Variants in ZEB2 observed in about 807,000 individuals in gnomAD.
ZEB2 encodes zinc finger E-box-binding homeobox 2.
In ZEB2, 6 loss-of-function variants were observed where a neutral mutation model predicts 99.9. That is an observed-to-expected ratio of 0.06 (90% confidence interval 0.03 to 0.12). ZEB2 has a LOEUF of 0.12. Ranked by LOEUF, ZEB2 falls within the 10% of genes least tolerant of loss-of-function variation. The pLI is 1.00. For synonymous variants in ZEB2, 517 were observed against 542.5 expected, an observed-to-expected ratio of 0.95 and a Z score of 0.65; for missense variants, 969 against 1,502.8, an observed-to-expected ratio of 0.64 and a Z score of 5.87.
intron 2 of ZEB2, among the ~76,000 whole-genome samples, chr2:144,469,148 A>ATAG (rs1367224089): frequency 2.6e-5 from 4 of 152,172 alleles, no homozygotes; most frequent in Non-Finnish European, 4.4e-5. Context: ...TGACTATAAA[A>ATAG]TAGCTTCCCA....
chr2:144,418,215 T>A (rs1051470417), intron 4 of ZEB2, among the ~76,000 whole-genome samples: 4 of 152,212 alleles, frequency 2.6e-5, no homozygotes, highest in Non-Finnish European at 5.9e-5. Context: ...CTACAACTTG[T>A]CTGTGTAGTT....
intron 2 of ZEB2, among the ~76,000 whole-genome samples, chr2:144,466,152 T>C (rs1459557958): frequency 1.3e-5 from 2 of 152,202 alleles, no homozygotes; most frequent in African/African-American, 4.8e-5. Flanking sequence ...TCTTTATATA[T>C]GACAACATGT....
chr2:144,508,007 C>T (rs2149928845), intron 2 of ZEB2, among the ~76,000 whole-genome samples: 1 of 152,284 alleles, frequency 6.6e-6, no homozygotes, highest in Admixed American at 6.5e-5. Flanking sequence ...CAAACTGTGA[C>T]CTGACCATGG....
intron 2 of ZEB2, among the ~76,000 whole-genome samples, 159 bp downstream of exon 2, chr2:144,517,119 C>T (rs1411171811): frequency 1.3e-5 from 2 of 150,578 alleles, no homozygotes; most frequent in Non-Finnish European, 3.0e-5. Context: ...AGCCGCCGCG[C>T]GCGCCGGGCT....
intron 2 of ZEB2, chr2:144,514,160 C>G (rs984305106): frequency 4.2e-6 from 1 of 239,118 alleles, no homozygotes; most frequent in Non-Finnish European, 8.3e-6. Flanking sequence ...ATACTTGTTT[C>G]TCTCTTTGTA....
At position 144,399,705 on chromosome 2, in the gene ZEB2, T is replaced by C. The variant is rs375275148; in HGVS notation, c.1482A>G (p.Pro494=). 75 of 1,614,108 alleles carry C rather than the reference T, an allele frequency of 4.6e-5. No individual in the cohort carries two copies. Among genetic ancestry groups the C allele is most frequent in the Non-Finnish European group, 5.6e-5 (66 of 1,180,042 alleles). Residue 494 remains proline, a synonymous_variant, in exon 8 of 10, where the codon CCA becomes CCG. Coordinates refer to ENST00000627532, the MANE Select transcript of ZEB2 (RefSeq NM_014795.4). This position sits in a 1 kb window ranked among gnomAD's most constrained non-coding sequence, Gnocchi z 5.6. ...SKLKGYHMKD[P]CSQPEEQGVT... ...CTCCTTGTTCCTCAGGTTGAGAGCA[T>C]GGATCCTTCATGTGATAACCTTTCA...
chr2:144,473,509 C>T (rs1305119693), intron 2 of ZEB2, among the ~76,000 whole-genome samples: 1 of 152,100 alleles, frequency 6.6e-6, no homozygotes, highest in Non-Finnish European at 1.5e-5. Context: ...GCCATCCTAC[C>T]ACCCTGGCCT....
At chr2:144,427,909 C>A (rs920593971) in intron 3 of ZEB2, 1 of 152,170 alleles carries the variant, frequency 6.6e-6, no homozygotes, top group Non-Finnish European at 1.5e-5. Context: ...GTCTGCAATG[C>A]ATTCATATGG....
intron 2 of ZEB2, among the ~76,000 whole-genome samples, chr2:144,465,000 C>G (rs1465635859): frequency 6.6e-6 from 1 of 152,162 alleles, no homozygotes; most frequent in Non-Finnish European, 1.5e-5. Context: ...CACTACTGTT[C>G]TGTTGAGATT....
intron 2 of ZEB2, among the ~76,000 whole-genome samples, chr2:144,499,782 C>T (rs925475979): frequency 6.6e-5 from 10 of 152,064 alleles, no homozygotes; most frequent in African/African-American, 2.4e-4. Flanking sequence ...CACAGCCAAC[C>T]AAATCTCCAT....
rs908723181 is a variant in ZEB2 at position 144,384,780 on chromosome 2, C to G, written c.*4671G>C. 2.9e-4 allele frequency: 44 copies of G among 152,224 alleles called. No individual in the cohort carries two copies. Among genetic ancestry groups the G allele is most frequent in the African/African-American group, 1.0e-3 (43 of 41,560 alleles). 9.4% of individuals were successfully genotyped at this position (152,224 alleles called of 1,614,324 possible). On this transcript the variant is annotated 3_prime_UTR_variant, in exon 10 of 10. Coordinates refer to ENST00000627532, the MANE Select transcript of ZEB2 (RefSeq NM_014795.4). The stretch of plus-strand genomic sequence containing the variant: ...TGTCTCAAGTTCTAAAAAAAAATCA[C>G]TGTGCACAGTTTAACAATTTAATTG...
rs745521735 is a variant in ZEB2, at chr2:144,396,513, T to C, written c.2966A>G (p.Lys989Arg). ...GCCACTCTCTGTCTTCTTGATCTTT[T>C]TGCGAGACAGACAGGAGTCGGAGTC... ...MTDSDSCLSRKKIKKTESGMY... is the reference protein window; with the variant it reads ...MTDSDSCLSRRKIKKTESGMY... The change falls in exon 9 of 10, where the codon AAA (lysine) becomes AGA (arginine). Residue 989 changes from lysine to arginine, a missense_variant. Physicochemically the swap from Lys to Arg is conservative, Grantham distance 26. Coordinates refer to ENST00000627532, the MANE Select transcript of ZEB2 (RefSeq NM_014795.4). The C allele has an allele frequency of 6.2e-7, 1 of 1,614,150 alleles. No homozygotes were observed.
intron 2 of ZEB2, among the ~76,000 whole-genome samples, chr2:144,478,005 G>A (rs548080421): frequency 1.3e-5 from 2 of 152,256 alleles, no homozygotes; most frequent in African/African-American, 2.4e-5. Context: ...GGAAGAGCAT[G>A]TGTGTGAAGG....
At chr2:144,400,852 T>A (rs1272531541) in intron 7 of ZEB2, among the ~76,000 whole-genome samples, 1 of 152,106 alleles carries the variant, frequency 6.6e-6, no homozygotes, top group Non-Finnish European at 1.5e-5. Context: ...CATGGGTAGG[T>A]CTCAAAAATT....
chr2:144,517,388 G>C lies in ZEB2; in HGVS notation c.-38C>G, dbSNP rs730881182. 27 of 1,610,934 alleles carry C rather than the reference G, an allele frequency of 1.7e-5. No homozygotes were observed. The highest frequency in any genetic ancestry group is 6.6e-5 in the South Asian group (6 of 91,038). On this transcript the variant is annotated 5_prime_UTR_variant, in exon 2 of 10. Coordinates refer to ENST00000627532, the MANE Select transcript of ZEB2 (RefSeq NM_014795.4). The stretch of plus-strand genomic sequence containing the variant: ...ATCAGATGGCAGTTCGCATGGACTC[G>C]GCGCCCTGCTTCGGCAGCACGCAGG...
At chr2:144,407,131 T>A (rs773116227) in intron 4 of ZEB2, among the ~76,000 whole-genome samples, 10 of 152,068 alleles carry the variant, frequency 6.6e-5, no homozygotes, top group Non-Finnish European at 1.2e-4. Flanking sequence ...TAAAAGGAAG[T>A]GGGAGAATTA....
At chr2:144,468,306 T>A (rs576550933) in intron 2 of ZEB2, among the ~76,000 whole-genome samples, 7 of 152,324 alleles carry the variant, frequency 4.6e-5, no homozygotes, top group Admixed American at 1.3e-4. Flanking sequence ...CATCCATGAC[T>A]TGTTGCTAAG....
chr2:144,493,245 C>T (rs1465234764), intron 2 of ZEB2, among the ~76,000 whole-genome samples: 1 of 152,122 alleles, frequency 6.6e-6, no homozygotes, highest in Non-Finnish European at 1.5e-5. Context: ...ACTGAAGTGC[C>T]TCCATCGTAG....
At chr2:144,479,609 A>G (rs1704478609) in intron 2 of ZEB2, among the ~76,000 whole-genome samples, 2 of 129,812 alleles carry the variant, frequency 1.5e-5, no homozygotes, top group Non-Finnish European at 3.1e-5. Context: ...GCTCCAAAGC[A>G]GGCTTCTGCT....
Sources: gnomAD v4.1 joint callset for allele counts (sites outside exome capture counted in the v4.1 genomes callset) on GRCh38, gnomAD v4.1.1 for gene constraint, Gnocchi (gnomAD v3.1) non-coding constraint, MANE v1.5 for transcripts, NCBI Gene and HGNC (gene_info 2026-07-23, HGNC 2026-07-21) for gene names.